The following VAV3 variants were observed in gnomAD, a reference collection of about 807,000 sequenced individuals.
The protein encoded by VAV3 is guanine nucleotide exchange factor VAV3.
Under a neutral mutation model 131.2 loss-of-function variants are expected in VAV3, and 94 were observed. The observed-to-expected ratio is 0.72, with a 90% CI of 0.61 to 0.85. The LOEUF is 0.85. Ranked by LOEUF, VAV3 falls within the 40% of genes least tolerant of loss-of-function variation. The probability of loss-of-function intolerance (pLI) is 0.00; values close to 1 mark genes in which losing one functional copy is unlikely to be tolerated. For synonymous variants in VAV3, 349 were observed against 342.0 expected, an observed-to-expected ratio of 1.02 and a Z score of -0.22; for missense variants, 939 against 1,002.7, an observed-to-expected ratio of 0.94 and a Z score of 0.86.
At chr1:107,901,192 G>GTGAT (rs768248317) in intron 1 of VAV3, among the ~76,000 whole-genome samples, 1 of 152,178 alleles carries the variant, frequency 6.6e-6, no homozygotes, top group Non-Finnish European at 1.5e-5. Context: ...ATTTACCTAT[G>GTGAT]TGATTAAAAA....
chr1:107,705,354 GAAAAAA>G (rs376720993), intron 15 of VAV3, among the ~76,000 whole-genome samples: 1 of 129,438 alleles, frequency 7.7e-6, no homozygotes, highest in Non-Finnish European at 1.6e-5. Flanking sequence ...AACCTGCCTG[GAAAAAA>G]AAAAAAAAAA....
At chr1:107,684,304 T>C (rs1030469085) in intron 18 of VAV3, among the ~76,000 whole-genome samples, 2 of 152,246 alleles carry the variant, frequency 1.3e-5, no homozygotes, top group African/African-American at 2.4e-5. Context: ...ACTTCTTTAT[T>C]ATGCAACTGG....
chr1:107,664,639 A>G (rs1435381732), intron 19 of VAV3, among the ~76,000 whole-genome samples: 1 of 152,216 alleles, frequency 6.6e-6, no homozygotes, highest in Non-Finnish European at 1.5e-5. Context: ...TAAATATGAA[A>G]AGATGAAGCT....
At chr1:107,897,757 T>C (rs1312083081) in intron 1 of VAV3, among the ~76,000 whole-genome samples, 1 of 152,162 alleles carries the variant, frequency 6.6e-6, no homozygotes, top group Non-Finnish European at 1.5e-5. Context: ...ATTCTGAGAT[T>C]ATACTCTTCC....
At chr1:107,606,800 CTTCT>C (rs1652302022) in intron 22 of VAV3, among the ~76,000 whole-genome samples, 1 of 61,568 alleles carries the variant, frequency 1.6e-5, no homozygotes, top group African/African-American at 6.3e-5. Context: ...CCAATGGTTT[CTTCT>C]TTTTTTTTTT....
At position 107,772,798 on chromosome 1, in the gene VAV3, A is replaced by G; in HGVS notation, c.492T>C (p.Tyr164=). The part of the protein sequence containing the change: ...EDEEDLYDCV[Y]GEDEGGEVYE... Reference sequence around the variant, plus strand: ...AGACTTCTCCACCTTCATCTTCCCCATAAACACAGTCATAGAGATCTTCTT... The same window carrying G: ...AGACTTCTCCACCTTCATCTTCCCCGTAAACACAGTCATAGAGATCTTCTT... Residue 164 remains tyrosine (Y), a synonymous_variant, in exon 5 of 27, where the codon TAT becomes TAC. Transcript: ENST00000370056. 2.5e-6 allele frequency: 4 copies of G among 1,613,862 alleles called. No homozygotes were observed. The East Asian group carries it at 8.9e-5, about 36-fold the overall frequency.
At chr1:107,930,955 C>G (rs886566139) in intron 1 of VAV3, among the ~76,000 whole-genome samples, 5 of 152,002 alleles carry the variant, frequency 3.3e-5, no homozygotes, top group Admixed American at 2.6e-4. Flanking sequence ...TTAATGACAC[C>G]ATGAGAAAGC....
chr1:107,716,279 A>G (rs1661083760), intron 15 of VAV3, among the ~76,000 whole-genome samples: 1 of 152,222 alleles, frequency 6.6e-6, no homozygotes, highest in East Asian at 1.9e-4. Flanking sequence ...AGAAAAAGGC[A>G]TATTCACTAT....
At chr1:107,698,596 G>A (rs910953082) in intron 17 of VAV3, among the ~76,000 whole-genome samples, 2 of 152,264 alleles carry the variant, frequency 1.3e-5, no homozygotes, top group Admixed American at 1.3e-4. Flanking sequence ...ACAGTACCTG[G>A]CACTAAATAG....
intron 12 of VAV3, among the ~76,000 whole-genome samples, chr1:107,754,832 C>T (rs894398739): frequency 1.3e-5 from 2 of 152,142 alleles, no homozygotes; most frequent in Non-Finnish European, 2.9e-5. Flanking sequence ...CCTAGATCTT[C>T]GTGTGGCTGG....
intron 1 of VAV3, among the ~76,000 whole-genome samples, chr1:107,897,653 C>T (rs1408218847): frequency 6.6e-6 from 1 of 152,084 alleles, no homozygotes; most frequent in African/African-American, 2.4e-5. Context: ...CATGACACCA[C>T]GGTAACTCAG....
At chr1:107,635,576 A>T (rs1570656281) in intron 20 of VAV3, among the ~76,000 whole-genome samples, 2 of 152,120 alleles carry the variant, frequency 1.3e-5, no homozygotes, top group Admixed American at 6.5e-5. Flanking sequence ...CATATGTAAC[A>T]AACCTGCACG....
intron 22 of VAV3, among the ~76,000 whole-genome samples, chr1:107,606,169 A>C (rs916484508): frequency 2.0e-5 from 3 of 152,068 alleles, no homozygotes; most frequent in African/African-American, 7.2e-5. Flanking sequence ...AAAATATTTT[A>C]TTTTACCTAG....
intron 2 of VAV3, among the ~76,000 whole-genome samples, chr1:107,865,008 T>C (rs746472129): frequency 6.6e-6 from 1 of 152,136 alleles, no homozygotes; most frequent in African/African-American, 2.4e-5. Context: ...ACTGCACTGG[T>C]TGCTTTTCCC....
chr1:107,933,312 C>T (rs1382639049), intron 1 of VAV3, among the ~76,000 whole-genome samples: 1 of 150,804 alleles, frequency 6.6e-6, no homozygotes, highest in Non-Finnish European at 1.5e-5. Flanking sequence ...CAAAAGATAA[C>T]CTTTCTCCAG....
chr1:107,902,061 AAAC>A (rs923962100), intron 1 of VAV3, among the ~76,000 whole-genome samples: 2 of 152,060 alleles, frequency 1.3e-5, no homozygotes, highest in Admixed American at 6.5e-5. Flanking sequence ...AAAACAAAAA[AAAC>A]AACAACAAAA....
chr1:107,954,070 T>C (rs1674681140), intron 1 of VAV3, among the ~76,000 whole-genome samples: 1 of 152,142 alleles, frequency 6.6e-6, no homozygotes. Context: ...ATGCCCAAGA[T>C]TAAGGAAAAC....
At chr1:107,771,709 G>T (rs1453715229) in intron 5 of VAV3, among the ~76,000 whole-genome samples, 2 of 152,204 alleles carry the variant, frequency 1.3e-5, no homozygotes, top group Non-Finnish European at 2.9e-5. Flanking sequence ...CGCAAGAAGA[G>T]TCCTACCCAT....
chr1:107,731,027 A>G (rs1428178033), intron 15 of VAV3, among the ~76,000 whole-genome samples: 2 of 152,298 alleles, frequency 1.3e-5, no homozygotes, highest in African/African-American at 2.4e-5. Context: ...TAAGAATCAG[A>G]TTGGGCATTA....
Sources: gnomAD v4.1 joint callset for allele counts (sites outside exome capture counted in the v4.1 genomes callset) on GRCh38, gnomAD v4.1.1 for gene constraint, MANE v1.5 for transcripts, NCBI Gene and HGNC (gene_info 2026-07-23, HGNC 2026-07-21) for gene names.